The following DSCAM variants were observed in gnomAD, a reference collection of about 807,000 sequenced individuals.
DSCAM encodes the protein DS cell adhesion molecule.
In DSCAM, 47 loss-of-function variants were observed where a neutral mutation model predicts 217.7. The observed-to-expected ratio is 0.22, with a 90% confidence interval of 0.17 to 0.28. DSCAM has a LOEUF of 0.28. DSCAM is among the 10% of genes least tolerant of loss of function. The probability of loss-of-function intolerance (pLI) is 1.00; values close to 1 mark genes in which losing one functional copy is unlikely to be tolerated. For missense variants in DSCAM, 2,080 were observed against 2,618.3 expected (o/e 0.79, Z 4.49); for synonymous variants, 1,056 against 1,015.3 (o/e 1.04, Z -0.76).
chr21:40,546,971 G>A (rs777502874), intron 3 of DSCAM, among the ~76,000 whole-genome samples: 1 of 152,050 alleles, frequency 6.6e-6, no homozygotes, highest in Non-Finnish European at 1.5e-5. Context: ...GTTATTGGGG[G>A]CAAGGGGGCT....
chr21:40,785,400 T>G (rs1355032210), intron 1 of DSCAM, among the ~76,000 whole-genome samples: 1 of 152,238 alleles, frequency 6.6e-6, no homozygotes, highest in Non-Finnish European at 1.5e-5. Context: ...ACTGCCTTTG[T>G]GGTCCCACCA....
At chr21:40,219,619 T>C (rs2091273337) in intron 11 of DSCAM, among the ~76,000 whole-genome samples, 1 of 152,224 alleles carries the variant, frequency 6.6e-6, no homozygotes, top group Non-Finnish European at 1.5e-5. Flanking sequence ...CAAAAGACAT[T>C]AACTGTCTTT....
At chr21:40,348,750 A>C (rs1011820832) in intron 5 of DSCAM, among the ~76,000 whole-genome samples, 26 of 152,044 alleles carry the variant, frequency 1.7e-4, no homozygotes, top group Admixed American at 6.6e-5. Context: ...GCTATTTTTT[A>C]TTTCTGGCTT....
chr21:40,260,535 G>T (rs2073436412), intron 11 of DSCAM, among the ~76,000 whole-genome samples: 1 of 152,188 alleles, frequency 6.6e-6, no homozygotes, highest in South Asian at 2.1e-4. Context: ...GAGGAGTGAG[G>T]ATGGTCCCTG....
At chr21:40,189,273 A>C in intron 11 of DSCAM, 35 bp from the exon 12 acceptor site, 1 of 1,484,792 alleles carries the variant, frequency 6.7e-7, no homozygotes, top group Non-Finnish European at 9.0e-7. Flanking sequence ...TTGTTCAGCA[A>C]AGCAGGGTTC....
chr21:40,103,288 T>C (rs940277634), intron 20 of DSCAM, among the ~76,000 whole-genome samples: 14 of 114,020 alleles, frequency 1.2e-4, no homozygotes, highest in Non-Finnish European at 1.9e-4. Flanking sequence ...TTAAAAAAAC[T>C]TGAAGGCTGT....
intron 11 of DSCAM, among the ~76,000 whole-genome samples, chr21:40,196,599 C>T (rs1029617852): frequency 2.7e-5 from 4 of 145,696 alleles, no homozygotes; most frequent in Non-Finnish European, 4.5e-5. Flanking sequence ...TTATTTCTTT[C>T]CCTCTATCCT....
intron 6 of DSCAM, among the ~76,000 whole-genome samples, chr21:40,340,984 C>T (rs1382993303): frequency 6.6e-6 from 1 of 152,128 alleles, no homozygotes; most frequent in Non-Finnish European, 1.5e-5. Context: ...CCTCCACCCC[C>T]TACTCCTTTC....
At chr21:40,045,430 T>C (rs750070384) in intron 30 of DSCAM, among the ~76,000 whole-genome samples, 2 of 152,188 alleles carry the variant, frequency 1.3e-5, no homozygotes, top group African/African-American at 2.4e-5. Context: ...TGGGTTTCAT[T>C]TTCTCTAAAT....
At chr21:40,339,815 A>AGACGGAAAATCCACACCCGCTCACTCCC (rs145265743) in intron 6 of DSCAM, among the ~76,000 whole-genome samples, 1 of 152,164 alleles carries the variant, frequency 6.6e-6, no homozygotes, top group African/African-American at 2.4e-5. Context: ...GTTGGTGCAA[A>AGACGGAAAATCCACACCCGCTCACTCCC]AGTGATTGCA....
intron 1 of DSCAM, among the ~76,000 whole-genome samples, chr21:40,778,653 G>A (rs1406502200): frequency 6.6e-6 from 1 of 152,162 alleles, no homozygotes; most frequent in Non-Finnish European, 1.5e-5. Flanking sequence ...AAAGAAAGAA[G>A]GATGTATAAG....
At chr21:40,494,988 T>TA (rs1400270295) in intron 3 of DSCAM, among the ~76,000 whole-genome samples, 2 of 151,442 alleles carry the variant, frequency 1.3e-5, no homozygotes, top group South Asian at 2.1e-4. Context: ...CTGGATAACA[T>TA]AAAAAAACAG....
chr21:40,032,183 G>A (rs1025234462), intron 32 of DSCAM, among the ~76,000 whole-genome samples: 4 of 152,148 alleles, frequency 2.6e-5, no homozygotes, highest in African/African-American at 7.2e-5. Context: ...CCAATGTGTG[G>A]TTCCTTGTGG....
chr21:40,208,686 C>T (rs146281967), intron 11 of DSCAM, among the ~76,000 whole-genome samples: 17 of 152,228 alleles, frequency 1.1e-4, no homozygotes, highest in African/African-American at 3.6e-4. Flanking sequence ...TTGAGTATGA[C>T]GAGAACATGC....
intron 1 of DSCAM, among the ~76,000 whole-genome samples, chr21:40,713,654 G>C (rs182427895): frequency 8.2e-4 from 125 of 152,298 alleles, no homozygotes; most frequent in Non-Finnish European, 1.6e-3. Flanking sequence ...AGGAAGAACT[G>C]TTAGAAAGTT....
intron 1 of DSCAM, among the ~76,000 whole-genome samples, chr21:40,808,245 C>T (rs2091805469): frequency 6.6e-6 from 1 of 152,154 alleles, no homozygotes; most frequent in South Asian, 2.1e-4. Flanking sequence ...AACATCTCTA[C>T]TCACCAGACC....
intron 3 of DSCAM, among the ~76,000 whole-genome samples, chr21:40,599,306 C>A (rs2077045104): frequency 6.6e-6 from 1 of 152,126 alleles, no homozygotes; most frequent in Admixed American, 6.6e-5. Context: ...CTGTACCTAT[C>A]AACCTGTCAT....
intron 10 of DSCAM, among the ~76,000 whole-genome samples, chr21:40,280,103 A>G (rs1281977792): frequency 6.6e-6 from 1 of 151,688 alleles, no homozygotes; most frequent in Non-Finnish European, 1.5e-5. Flanking sequence ...CGTTCTGCAC[A>G]TGTATCCCAG....
At chr21:40,790,399 G>A (rs180840625) in intron 1 of DSCAM, among the ~76,000 whole-genome samples, 2 of 152,078 alleles carry the variant, frequency 1.3e-5, no homozygotes, top group East Asian at 1.9e-4. Flanking sequence ...CCAGGCAAAC[G>A]TTTATCTTTC....
Sources: gnomAD v4.1 joint callset for allele counts (sites outside exome capture counted in the v4.1 genomes callset) on GRCh38, gnomAD v4.1.1 for gene constraint, MANE v1.5 for transcripts, NCBI Gene and HGNC (gene_info 2026-07-23, HGNC 2026-07-21) for gene names.